The following GALNT13 variants were observed in gnomAD, a reference collection of about 807,000 sequenced individuals.
The protein encoded by GALNT13 is polypeptide N-acetylgalactosaminyltransferase 13.
A neutral mutation model predicts 64.2 loss-of-function variants in GALNT13; 28 were observed. That is an observed-to-expected ratio of 0.44 (90% CI 0.32 to 0.60). The LOEUF (loss-of-function observed/expected upper bound fraction) is 0.60, where lower values mean the gene tolerates loss of function less well. Among genes scored for constraint, GALNT13 ranks in the 20% least tolerant of loss-of-function variants. The probability of loss-of-function intolerance (pLI) is 0.05; values close to 1 mark genes in which losing one functional copy is unlikely to be tolerated. For missense variants in GALNT13, 577 were observed against 669.8 expected, an observed-to-expected ratio of 0.86 and a Z score of 1.53; for synonymous variants, 214 against 224.6, an observed-to-expected ratio of 0.95 and a Z score of 0.42.
chr2:153,409,248 C>A, the GALNT13 span, among the ~76,000 whole-genome samples: 19 of 139,860 alleles, frequency 1.4e-4, no homozygotes, highest in Non-Finnish European at 2.6e-4. Context: ...TCATGTGAGT[C>A]AATTCTCCTT....
the GALNT13 span, among the ~76,000 whole-genome samples, chr2:153,508,272 C>A: frequency 6.6e-6 from 1 of 152,094 alleles, no homozygotes; most frequent in Non-Finnish European, 1.5e-5. Flanking sequence ...CATAGAGCTC[C>A]CAAGAGATTA....
rs74961004 is a variant in GALNT13 at position 153,903,739 on chromosome 2, A to G, written c.-105+2732A>G. Reference sequence around the variant, plus strand: ...AATTTATCTCAGGTAACAGTTTTCTATTTTTCAATTTCACCTACATAATTA... The same window carrying G: ...AATTTATCTCAGGTAACAGTTTTCTGTTTTTCAATTTCACCTACATAATTA... On this transcript the variant is annotated intron_variant, in intron 2 of 12. Transcript: ENST00000392825. Among the ~76,000 whole-genome samples the G allele has an allele frequency of 7.2e-5, 11 of 152,024 alleles. No homozygotes were observed. The East Asian group carries it at 2.1e-3, about 29-fold the overall frequency.
intron 9 of GALNT13, among the ~76,000 whole-genome samples, chr2:154,384,392 A>G (rs756783328): frequency 5.3e-5 from 8 of 151,898 alleles, no homozygotes; most frequent in Non-Finnish European, 1.0e-4. Context: ...CATTCTTTCC[A>G]TTAAAATATA....
At chr2:153,888,678 A>C (rs1397029323) in intron 1 of GALNT13, among the ~76,000 whole-genome samples, 1 of 151,970 alleles carries the variant, frequency 6.6e-6, no homozygotes, top group Non-Finnish European at 1.5e-5. Flanking sequence ...TTCTACATAA[A>C]ATATATTTAA....
intron 4 of GALNT13, among the ~76,000 whole-genome samples, chr2:154,196,071 T>C (rs1473378328): frequency 6.6e-6 from 1 of 152,190 alleles, no homozygotes; most frequent in East Asian, 1.9e-4. Flanking sequence ...GCTGGTGTCT[T>C]TTGGGTAAAA....
At chr2:153,658,438 T>C in the GALNT13 span, among the ~76,000 whole-genome samples, 1 of 152,094 alleles carries the variant, frequency 6.6e-6, no homozygotes, top group African/African-American at 2.4e-5. Flanking sequence ...TATGTGACCA[T>C]GTCACTCTTA....
the GALNT13 span, among the ~76,000 whole-genome samples, chr2:153,844,878 C>G: frequency 6.6e-6 from 1 of 152,184 alleles, no homozygotes; most frequent in Non-Finnish European, 1.5e-5. Context: ...GGCATGAACA[C>G]AGTGCAGCCA....
the GALNT13 span, among the ~76,000 whole-genome samples, chr2:153,785,955 T>C: frequency 6.6e-6 from 1 of 151,736 alleles, no homozygotes; most frequent in African/African-American, 2.4e-5. Context: ...GCCTGACTTC[T>C]AGGGGAGACC....
At chr2:153,419,220 G>T in the GALNT13 span, among the ~76,000 whole-genome samples, 3 of 152,138 alleles carry the variant, frequency 2.0e-5, no homozygotes, top group African/African-American at 7.2e-5. Context: ...AACAAGTGCC[G>T]AGCAAAAGGG....
the GALNT13 span, among the ~76,000 whole-genome samples, chr2:153,190,533 T>C: frequency 2.0e-5 from 3 of 152,138 alleles, no homozygotes; most frequent in Non-Finnish European, 2.9e-5. Context: ...CTAGTTTTGT[T>C]CTTTTTTCTC....
At chr2:154,395,889 CT>C (rs1215523807) in intron 9 of GALNT13, 101 bp from the exon 10 acceptor site, 32 of 1,062,896 alleles carry the variant, frequency 3.0e-5, no homozygotes, top group Middle Eastern at 2.3e-4. Flanking sequence ...ATTGAATTTG[CT>C]GGAATTATGA....
the GALNT13 span, among the ~76,000 whole-genome samples, chr2:153,383,495 T>A: frequency 6.6e-6 from 1 of 152,046 alleles, no homozygotes; most frequent in Admixed American, 6.6e-5. Context: ...TTTTATGCCA[T>A]GAGAGTTAAG....
At chr2:153,602,948 C>A in the GALNT13 span, among the ~76,000 whole-genome samples, 1 of 151,856 alleles carries the variant, frequency 6.6e-6, no homozygotes, top group Admixed American at 6.6e-5. Context: ...CTCAATTCAA[C>A]ACAACTTGAT....
chr2:153,310,218 GA>G, the GALNT13 span, among the ~76,000 whole-genome samples: 1 of 152,068 alleles, frequency 6.6e-6, no homozygotes, highest in Non-Finnish European at 1.5e-5. Context: ...ATGCATGAAT[GA>G]TAAATTTTGT....
the GALNT13 span, among the ~76,000 whole-genome samples, chr2:153,165,069 C>T: frequency 6.6e-6 from 1 of 152,132 alleles, no homozygotes; most frequent in Admixed American, 6.5e-5. Flanking sequence ...TGCATATAAG[C>T]CTTTTGTAAT....
intron 4 of GALNT13, among the ~76,000 whole-genome samples, chr2:154,145,074 A>G (rs12473948): frequency 9.3e-6 from 1 of 107,456 alleles, no homozygotes; most frequent in Non-Finnish European, 1.9e-5. Flanking sequence ...CTCTCTCTCT[A>G]TCTATCTATC....
chr2:154,296,214 GACC>G (rs1248243497), intron 8 of GALNT13, among the ~76,000 whole-genome samples: 13 of 152,140 alleles, frequency 8.5e-5, no homozygotes, highest in African/African-American at 2.7e-4. Context: ...TGCATCACTG[GACC>G]TATCAATTCT....
intron 4 of GALNT13, among the ~76,000 whole-genome samples, chr2:154,185,292 C>T (rs575601435): frequency 6.6e-6 from 1 of 152,080 alleles, no homozygotes; most frequent in African/African-American, 2.4e-5. Flanking sequence ...TTGTCTCTGA[C>T]TTTTGACAAT....
At chr2:153,923,148 C>T (rs1425660342) in intron 2 of GALNT13, among the ~76,000 whole-genome samples, 1 of 152,106 alleles carries the variant, frequency 6.6e-6, no homozygotes, top group Non-Finnish European at 1.5e-5. Flanking sequence ...GATCCTCCCA[C>T]GTCGGCCTCC....
Sources: gnomAD v4.1 joint callset for allele counts (sites outside exome capture counted in the v4.1 genomes callset) on GRCh38, gnomAD v4.1.1 for gene constraint, MANE v1.5 for transcripts, NCBI Gene and HGNC (gene_info 2026-07-23, HGNC 2026-07-21) for gene names.